Variants in LYPD6 observed in about 807,000 individuals in gnomAD.
LYPD6 encodes LY6/PLAUR domain containing 6.
LYPD6 carries 15 observed loss-of-function variants against 22.7 expected under a neutral mutation model. The observed-to-expected ratio is 0.66, with a 90% CI of 0.44 to 1.02. LYPD6 has a LOEUF of 1.02. Among genes scored for constraint, LYPD6 ranks in the 50% least tolerant of loss-of-function variants. The pLI, the probability that LYPD6 is intolerant of heterozygous loss-of-function variation, is 0.00. For synonymous variants in LYPD6, 72 were observed against 77.5 expected (o/e 0.93, Z 0.37); for missense variants, 189 against 208.4 (o/e 0.91, Z 0.57).
At position 149,437,784 on chromosome 2, in the gene LYPD6, C is replaced by T. The variant is rs781693282; in HGVS notation, c.76C>T (p.Arg26Ter). The T allele has an allele frequency of 8.1e-6, 13 of 1,614,026 alleles. No individual in the cohort carries two copies. The highest frequency in any genetic ancestry group is 1.7e-5 in the Admixed American group (1 of 60,000). ...LADCLKAAQS[R>*]DFTVKDIIYL... is the part of the protein sequence containing the mutation. The stretch of plus-strand genomic sequence containing the variant: ...GGATTGTCTGAAAGCTGCTCAGTCC[C>T]GAGACTTCACAGTGAAAGACATTAT... Residue 26 changes from arginine (R) to a stop codon, truncating the protein, a stop_gained, in exon 2 of 5, where the codon CGA becomes TGA. Transcript: ENST00000334166. LOFTEE classifies it high-confidence loss of function.
downstream of LYPD6, among the ~76,000 whole-genome samples, chr2:149,475,485 G>A (rs374394732): frequency 2.6e-4 from 39 of 152,186 alleles, no homozygotes; most frequent in African/African-American, 7.9e-4. Flanking sequence ...CAAAACCAAC[G>A]CAAATTTCCA....
In LYPD6 at chr2:149,429,322, G is replaced by GT. The variant is rs954491192; in HGVS notation, c.-71-8316_-71-8315insT. On this transcript the variant is annotated intron_variant, in intron 1 of 4. Transcript: ENST00000334166. The stretch of plus-strand genomic sequence containing the variant: ...ACTGCTGGTGGCTGTAGTTTGGGAG[G>GT]ACCTGATGAGAATAAAAGTAAAAGA... Among the ~76,000 whole-genome samples the GT allele has an allele frequency of 2.0e-5, 3 of 152,116 alleles. No individual in the cohort carries two copies. The East Asian group carries it at 5.8e-4, about 29-fold the overall frequency.
chr2:149,361,066 T>C (rs2105068049), intron 1 of LYPD6, among the ~76,000 whole-genome samples: 1 of 152,244 alleles, frequency 6.6e-6, no homozygotes, highest in East Asian at 1.9e-4. Flanking sequence ...GAAAAACAAG[T>C]TTATTAACAT....
At chr2:149,405,100 G>A (rs1210557043) in intron 1 of LYPD6, among the ~76,000 whole-genome samples, 1 of 152,046 alleles carries the variant, frequency 6.6e-6, no homozygotes, top group African/African-American at 2.4e-5. Flanking sequence ...GATCATGGTG[G>A]ATAAGCTTTT....
At chr2:149,453,075 A>AT (rs1202622482) in intron 3 of LYPD6, among the ~76,000 whole-genome samples, 1 of 152,188 alleles carries the variant, frequency 6.6e-6, no homozygotes, top group Non-Finnish European at 1.5e-5. Context: ...CTTGGCTTCC[A>AT]TTTCATCTTT....
chr2:149,445,708 G>A (rs1298660718), intron 2 of LYPD6, among the ~76,000 whole-genome samples: 1 of 152,132 alleles, frequency 6.6e-6, no homozygotes, highest in East Asian at 1.9e-4. Flanking sequence ...ACCTTGACTT[G>A]GATTAGGCTT....
intron 1 of LYPD6, among the ~76,000 whole-genome samples, chr2:149,360,951 AG>A (rs1317381981): frequency 6.6e-6 from 1 of 152,166 alleles, no homozygotes; most frequent in Non-Finnish European, 1.5e-5. Flanking sequence ...AGCACACATC[AG>A]TGCTCAATTC....
intron 2 of LYPD6, among the ~76,000 whole-genome samples, chr2:149,438,409 T>C (rs902425548): frequency 6.6e-6 from 1 of 152,224 alleles, no homozygotes. Flanking sequence ...GTACTTCTGC[T>C]GCAGACATTC....
intron 1 of LYPD6, among the ~76,000 whole-genome samples, chr2:149,355,957 G>A (rs1040349311): frequency 2.0e-5 from 3 of 152,094 alleles, no homozygotes; most frequent in Non-Finnish European, 4.4e-5. Flanking sequence ...TTTTTATGGC[G>A]ATGAACTGTG....
At chr2:149,360,404 G>T (rs1681549530) in intron 1 of LYPD6, among the ~76,000 whole-genome samples, 1 of 152,182 alleles carries the variant, frequency 6.6e-6, no homozygotes, top group African/African-American at 2.4e-5. Flanking sequence ...TCAAGATGGA[G>T]TTGCTGTGGT....
chr2:149,377,781 A>ACCCCC (rs70994571), intron 1 of LYPD6, among the ~76,000 whole-genome samples: 36 of 94,310 alleles, frequency 3.8e-4, no homozygotes, highest in Non-Finnish European at 4.9e-4. Context: ...CTTTGTCCCC[A>ACCCCC]CCCCCCCCCC....
rs573653202 is a variant in LYPD6, at chr2:149,425,238, C to G, written c.-71-12400C>G. The stretch of plus-strand genomic sequence containing the variant: ...GATGGCACATCAACATCACACCATG[C>G]TCACTATTCACTAAGTGACTGAAGC... On this transcript the variant is annotated intron_variant, in intron 1 of 4. Transcript: ENST00000334166. 2.5e-3 allele frequency among the ~76,000 whole-genome samples: 382 copies of G among 152,316 alleles called. 4 individuals carry two copies. The highest frequency in any genetic ancestry group is 4.1e-3 in the Non-Finnish European group (282 of 68,022).
intron 1 of LYPD6, among the ~76,000 whole-genome samples, chr2:149,400,296 AC>A (rs1682524513): frequency 6.6e-6 from 1 of 152,140 alleles, no homozygotes; most frequent in Non-Finnish European, 1.5e-5. Flanking sequence ...GGATTTGAGA[AC>A]CCTTGAATTG....
intron 3 of LYPD6, among the ~76,000 whole-genome samples, chr2:149,462,402 G>A (rs1196652): frequency 0.87 from 132,197 of 151,874 alleles, 57,592 homozygotes; most frequent in East Asian, 1. Context: ...ATTATGAAAC[G>A]TCAATGAAAA....
chr2:149,403,498 T>C (rs1682613782), intron 1 of LYPD6, among the ~76,000 whole-genome samples: 1 of 147,020 alleles, frequency 6.8e-6, no homozygotes, highest in African/African-American at 2.6e-5. Flanking sequence ...TGAGCATTTT[T>C]TCATGTGTTT....
chr2:149,466,639 A>G (rs1681206753), intron 3 of LYPD6, among the ~76,000 whole-genome samples: 1 of 152,240 alleles, frequency 6.6e-6, no homozygotes, highest in Non-Finnish European at 1.5e-5. Flanking sequence ...AAGATAGAAA[A>G]GTATGAACAA....
At position 149,473,559 on chromosome 2, in the gene LYPD6, G is replaced by A. The variant is rs371921748; in HGVS notation, c.*2709G>A. 3.9e-5 allele frequency: 6 copies of A among 152,444 alleles called. No individual in the cohort carries two copies. The East Asian group carries it at 7.7e-4, about 20-fold the overall frequency. The allele number at this position is 152,444 out of a possible 1,614,324, so 9.4% of individuals were successfully genotyped here. ...CTCCACAGCATTCATGTCAATATGG[G>A]ATTAATGCCTAAACTTTGTAAATAT... On this transcript the variant is annotated 3_prime_UTR_variant, in exon 5 of 5. Transcript: ENST00000334166.
intron 4 of LYPD6, among the ~76,000 whole-genome samples, chr2:149,470,226 G>A (rs1383945473): frequency 6.6e-6 from 1 of 152,182 alleles, no homozygotes; most frequent in Non-Finnish European, 1.5e-5. Flanking sequence ...TATGCAAACA[G>A]TTCTGTGAAA....
chr2:149,413,183 G>A (rs1367008982), intron 1 of LYPD6, among the ~76,000 whole-genome samples: 2 of 152,188 alleles, frequency 1.3e-5, no homozygotes, highest in Non-Finnish European at 2.9e-5. Flanking sequence ...GTCCCGAACT[G>A]GGTCCTCCAG....
Sources: gnomAD v4.1 joint callset for allele counts (sites outside exome capture counted in the v4.1 genomes callset) on GRCh38, gnomAD v4.1.1 for gene constraint, MANE v1.5 for transcripts, NCBI Gene and HGNC (gene_info 2026-07-23, HGNC 2026-07-21) for gene names.